The following FRMPD4 variants were observed in gnomAD, a reference collection of about 807,000 sequenced individuals.
The protein encoded by FRMPD4 is FERM and PDZ domain-containing protein 4.
FRMPD4 carries 22 observed loss-of-function variants against 94.1 expected under a neutral mutation model. The ratio of observed to expected loss-of-function variants is 0.23; its 90% CI spans 0.17 to 0.33. The LOEUF (loss-of-function observed/expected upper bound fraction) is 0.33, where lower values mean the gene tolerates loss of function less well. Among genes scored for constraint, FRMPD4 ranks in the 10% least tolerant of loss-of-function variants. FRMPD4 has a pLI of 1.00. For missense variants in FRMPD4, 1,111 were observed against 1,339.9 expected, an observed-to-expected ratio of 0.83 and a Z score of 2.67; for synonymous variants, 631 against 548.6, an observed-to-expected ratio of 1.15 and a Z score of -2.10.
intron 2 of FRMPD4, among the ~76,000 whole-genome samples, chrX:12,582,501 G>A (rs138848671): frequency 3.4e-4 from 38 of 111,458 alleles, no homozygotes; most frequent in African/African-American, 1.2e-3. Context: ...AGGAAATTTC[G>A]CTGGCAAACT....
chrX:12,276,680 A>C (rs1366641776), intron 1 of FRMPD4, among the ~76,000 whole-genome samples: 2 of 111,427 alleles, frequency 1.8e-5, no homozygotes, highest in Admixed American at 9.5e-5. Flanking sequence ...AGGCATGTCC[A>C]GTTCCCCATT....
At chrX:12,298,331 A>T (rs1162459084) in intron 1 of FRMPD4, among the ~76,000 whole-genome samples, 1 of 112,328 alleles carries the variant, frequency 8.9e-6, no homozygotes, top group Non-Finnish European at 1.9e-5. Context: ...AACCAATTTT[A>T]TGAATCATCA....
chrX:12,482,908 A>G (rs1253709606), intron 1 of FRMPD4, among the ~76,000 whole-genome samples: 3 of 112,109 alleles, frequency 2.7e-5, no homozygotes, highest in Non-Finnish European at 5.6e-5. Context: ...AGTGGCTACC[A>G]TATTGAGCAG....
At chrX:11,921,618 C>T (rs2054056999) in intron 3 of FRMPD4, among the ~76,000 whole-genome samples, 1 of 111,997 alleles carries the variant, frequency 8.9e-6, no homozygotes, top group African/African-American at 3.2e-5. Flanking sequence ...TGCATAGCAG[C>T]TCTGTTGCTG....
intron 3 of FRMPD4, among the ~76,000 whole-genome samples, chrX:12,121,386 A>C (rs1275242986): frequency 8.9e-6 from 1 of 112,106 alleles, no homozygotes; most frequent in African/African-American, 3.2e-5. Context: ...TTTTAAAAGA[A>C]TTGATAAATA....
chrX:12,192,300 A>G (rs1376104364), intron 1 of FRMPD4, among the ~76,000 whole-genome samples: 1 of 112,024 alleles, frequency 8.9e-6, no homozygotes, highest in Non-Finnish European at 1.9e-5. Flanking sequence ...GCCACTGGAT[A>G]CTATATGGCA....
At position 12,354,226 on chromosome X, in the gene FRMPD4, TATCTC is replaced by T. The variant is rs777873534; in HGVS notation, c.42-144451_42-144447del. 2.4e-4 allele frequency among the ~76,000 whole-genome samples: 27 copies of T among 112,441 alleles called. No individual in the cohort carries two copies. The East Asian group carries it at 6.4e-3, about 27-fold the overall frequency. On this transcript the variant is annotated intron_variant, in intron 1 of 16. Coordinates refer to ENST00000675598, the MANE Select transcript of FRMPD4 (RefSeq NM_001368397.1). ...CAAGTTCATCTCATTCATGACATGT[TATCTC>T]ATTCATGACATGTTAAAAAAGACAG...
At chrX:12,592,959 C>G (rs1327365118) in intron 2 of FRMPD4, among the ~76,000 whole-genome samples, 1 of 111,671 alleles carries the variant, frequency 9.0e-6, no homozygotes, top group Non-Finnish European at 1.9e-5. Flanking sequence ...TCTCTGGAAC[C>G]ACCTTCTTTC....
At chrX:12,283,884 C>A (rs1281041529) in intron 1 of FRMPD4, among the ~76,000 whole-genome samples, 1 of 111,525 alleles carries the variant, frequency 9.0e-6, no homozygotes, top group Non-Finnish European at 1.9e-5. Context: ...ATTATAGCAG[C>A]ATAGATTTTT....
At chrX:12,493,477 A>G (rs1487125448) in intron 1 of FRMPD4, among the ~76,000 whole-genome samples, 1 of 111,969 alleles carries the variant, frequency 8.9e-6, no homozygotes, top group South Asian at 3.7e-4. Context: ...GTTTTCCCAT[A>G]TCTGAAATGA....
chrX:12,453,305 T>A (rs1337007167), intron 1 of FRMPD4, among the ~76,000 whole-genome samples: 1 of 111,616 alleles, frequency 9.0e-6, no homozygotes, highest in African/African-American at 3.3e-5. Context: ...CTACAGGAGG[T>A]CAGTCTTAAT....
intron 3 of FRMPD4, among the ~76,000 whole-genome samples, chrX:11,895,730 C>T (rs1347771594): frequency 9.0e-6 from 1 of 111,327 alleles, no homozygotes; most frequent in Non-Finnish European, 1.9e-5. Flanking sequence ...TTTTAGTCTT[C>T]CATTAGCTGC....
chrX:12,583,831 G>A (rs1426689187), intron 2 of FRMPD4, among the ~76,000 whole-genome samples: 1 of 112,246 alleles, frequency 8.9e-6, no homozygotes, highest in East Asian at 2.8e-4. Context: ...TGGGGGCGGG[G>A]CGCTGTTGAC....
chrX:12,309,059 G>A (rs2054989771), intron 1 of FRMPD4, among the ~76,000 whole-genome samples: 1 of 112,375 alleles, frequency 8.9e-6, no homozygotes, highest in Admixed American at 9.4e-5. Flanking sequence ...AAGCTTTGCG[G>A]GCTATATAAT....
chrX:12,063,970 CAG>C (rs2054902817), intron 3 of FRMPD4, among the ~76,000 whole-genome samples: 1 of 112,365 alleles, frequency 8.9e-6, no homozygotes, highest in African/African-American at 3.2e-5. Context: ...AAATTCCACT[CAG>C]AGTATAATGT....
At chrX:12,542,749 A>G (rs1386495365) in intron 2 of FRMPD4, among the ~76,000 whole-genome samples, 1 of 111,910 alleles carries the variant, frequency 8.9e-6, no homozygotes, top group Non-Finnish European at 1.9e-5. Context: ...TTTAAAGTTC[A>G]TATGGAACCA....
chrX:12,550,226 T>A (rs1205544224), intron 2 of FRMPD4, among the ~76,000 whole-genome samples: 1 of 111,342 alleles, frequency 9.0e-6, no homozygotes, highest in East Asian at 2.8e-4. Flanking sequence ...CATTGGAAAG[T>A]GGCAGGTATG....
intron 3 of FRMPD4, among the ~76,000 whole-genome samples, chrX:12,025,655 T>C (rs2054656036): frequency 8.9e-6 from 1 of 112,164 alleles, no homozygotes; most frequent in Non-Finnish European, 1.9e-5. Flanking sequence ...TCCTTACTTG[T>C]TCACTCTGAG....
chrX:12,710,483 A>G lies in FRMPD4; in HGVS notation c.1555A>G (p.Arg519Gly), dbSNP rs1428654411. Residue 519 changes from arginine (R) to glycine (G), a missense_variant, in exon 14 of 17, where the codon AGG becomes GGG. Coordinates refer to ENST00000675598, the MANE Select transcript of FRMPD4 (RefSeq NM_001368397.1). ...AGYYRLLVDSRRSIFNMANKK... is the reference protein window; with the variant it reads ...AGYYRLLVDSGRSIFNMANKK... ...ATACTACCGGCTGCTTGTTGATTCC[A>G]GGAGGTCGATATTTAACATGGCCAA... 1 of 1,201,787 alleles carries G rather than the reference A, an allele frequency of 8.3e-7. No homozygotes were observed. The highest frequency in any genetic ancestry group is 1.1e-6 in the Non-Finnish European group (1 of 888,428).
Sources: allele counts gnomAD v4.1 joint callset (sites outside exome capture counted in the v4.1 genomes callset), GRCh38; gene constraint gnomAD v4.1.1; transcripts MANE v1.5; gene names NCBI Gene and HGNC (gene_info 2026-07-23, HGNC 2026-07-21).